The following MTUS2 variants were observed in gnomAD, a reference collection of about 807,000 sequenced individuals.
The protein encoded by MTUS2 is microtubule associated scaffold protein 2, also known as microtubule-associated tumor suppressor candidate 2.
In MTUS2, 40 loss-of-function variants were observed where a neutral mutation model predicts 114.1. The observed-to-expected ratio is 0.35, with a 90% CI of 0.27 to 0.46. The LOEUF is 0.46. Ranked by LOEUF, MTUS2 falls within the 20% of genes least tolerant of loss-of-function variation. The pLI is 1.00. For synonymous variants in MTUS2, 688 were observed against 672.0 expected (o/e 1.02, Z -0.37); for missense variants, 1,679 against 1,705.4 (o/e 0.98, Z 0.27).
intron 5 of MTUS2, among the ~76,000 whole-genome samples, chr13:29,175,677 G>T (rs1893742901): frequency 6.6e-6 from 1 of 152,104 alleles, no homozygotes. Context: ...ATAGGGTGTT[G>T]CTAACAGAAA....
intron 2 of MTUS2, among the ~76,000 whole-genome samples, chr13:28,919,867 T>G (rs1880949024): frequency 6.6e-6 from 1 of 152,260 alleles, no homozygotes. Flanking sequence ...TGATGTACTC[T>G]TCAATATGTC....
At chr13:29,028,858 T>C (rs1053011762) in intron 3 of MTUS2, among the ~76,000 whole-genome samples, 1 of 152,204 alleles carries the variant, frequency 6.6e-6, no homozygotes, top group Non-Finnish European at 1.5e-5. Flanking sequence ...AACTGAATCA[T>C]GAACTCCATA....
chr13:29,055,606 G>C (rs2138622423), intron 4 of MTUS2, among the ~76,000 whole-genome samples: 1 of 152,156 alleles, frequency 6.6e-6, no homozygotes, highest in South Asian at 2.1e-4. Context: ...TTATAGATGA[G>C]AACATGCCAT....
At chr13:29,381,369 T>C (rs1872191179) in intron 8 of MTUS2, among the ~76,000 whole-genome samples, 1 of 152,212 alleles carries the variant, frequency 6.6e-6, no homozygotes. Context: ...GCTTATAGCA[T>C]ATAGCGTAGT....
At chr13:29,011,766 C>A (rs1187121314) in intron 2 of MTUS2, among the ~76,000 whole-genome samples, 2 of 152,206 alleles carry the variant, frequency 1.3e-5, no homozygotes, top group African/African-American at 4.8e-5. Context: ...GGCCCTGGAA[C>A]ATGAAAGTGT....
At chr13:29,221,384 T>C (rs2139323079) in intron 5 of MTUS2, among the ~76,000 whole-genome samples, 1 of 152,396 alleles carries the variant, frequency 6.6e-6, no homozygotes, top group East Asian at 1.9e-4. Flanking sequence ...TTTTTGGTGA[T>C]AGTTGTTATT....
At chr13:29,388,094 A>C (rs1872752165) in intron 8 of MTUS2, among the ~76,000 whole-genome samples, 1 of 152,050 alleles carries the variant, frequency 6.6e-6, no homozygotes, top group Non-Finnish European at 1.5e-5. Flanking sequence ...CCCAAGAAGG[A>C]CTGTCCCCCA....
intron 5 of MTUS2, among the ~76,000 whole-genome samples, chr13:29,138,894 T>C (rs1892098408): frequency 6.6e-6 from 1 of 152,166 alleles, no homozygotes; most frequent in Non-Finnish European, 1.5e-5. Flanking sequence ...TAAGGTATTA[T>C]TATAGTAAAT....
chr13:29,008,094 G>T (rs527383213), intron 2 of MTUS2, among the ~76,000 whole-genome samples: 1 of 152,254 alleles, frequency 6.6e-6, no homozygotes, highest in East Asian at 1.9e-4. Flanking sequence ...CTGCCCAATA[G>T]CCATTTCCTC....
intron 5 of MTUS2, among the ~76,000 whole-genome samples, chr13:29,197,610 G>C (rs35852257): frequency 0.15 from 23,015 of 151,980 alleles, 1,903 homozygotes; most frequent in East Asian, 0.31. Flanking sequence ...TGGTATTTCT[G>C]GTTCTGAATC....
chr13:29,308,580 C>T (rs1338910752), intron 6 of MTUS2, among the ~76,000 whole-genome samples: 1 of 152,172 alleles, frequency 6.6e-6, no homozygotes, highest in African/African-American at 2.4e-5. Context: ...AGAGCTTCTG[C>T]ACGGCAAAAG....
chr13:29,203,560 G>GAAAAA (rs57964712), intron 5 of MTUS2, among the ~76,000 whole-genome samples: 2 of 116,146 alleles, frequency 1.7e-5, no homozygotes. Context: ...ACTGGGGTAT[G>GAAAAA]AAAAAAAAAA....
At chr13:28,879,102 T>C (rs1053374800) in intron 2 of MTUS2, among the ~76,000 whole-genome samples, 4 of 152,228 alleles carry the variant, frequency 2.6e-5, no homozygotes, top group Non-Finnish European at 5.9e-5. Context: ...TTTTTTCATG[T>C]TTGTTGGCTG....
At chr13:29,031,417 T>TAG (rs1886822625) in intron 3 of MTUS2, among the ~76,000 whole-genome samples, 1 of 151,436 alleles carries the variant, frequency 6.6e-6, no homozygotes, top group Non-Finnish European at 1.5e-5. Context: ...TATATATATA[T>TAG]ATAGAGAGAG....
intron 6 of MTUS2, among the ~76,000 whole-genome samples, chr13:29,282,227 C>T (rs542405430): frequency 9.2e-5 from 14 of 152,316 alleles, no homozygotes; most frequent in African/African-American, 3.4e-4. Context: ...GGAATGAGCC[C>T]CAGAACCCCA....
At chr13:29,142,173 G>A (rs1328583978) in intron 5 of MTUS2, among the ~76,000 whole-genome samples, 2 of 151,980 alleles carry the variant, frequency 1.3e-5, no homozygotes, top group African/African-American at 2.4e-5. Flanking sequence ...GTAATTATAT[G>A]TGTATATATA....
intron 8 of MTUS2, among the ~76,000 whole-genome samples, chr13:29,389,733 GTATA>G (rs1178303439): frequency 1.1e-5 from 1 of 88,648 alleles, no homozygotes; most frequent in African/African-American, 5.0e-5. Context: ...ACATATGTGT[GTATA>G]TGTATATACA....
intron 2 of MTUS2, among the ~76,000 whole-genome samples, chr13:28,920,351 C>T (rs1369658803): frequency 6.6e-6 from 1 of 152,186 alleles, no homozygotes; most frequent in African/African-American, 2.4e-5. Context: ...TTGATAAAAT[C>T]GGAAGAATTC....
chr13:29,195,786 C>T (rs1157596750), intron 5 of MTUS2, among the ~76,000 whole-genome samples: 1 of 152,016 alleles, frequency 6.6e-6, no homozygotes, highest in East Asian at 1.9e-4. Flanking sequence ...AACACAGAAG[C>T]AAAAACCAGT....
Sources: allele counts gnomAD v4.1 joint callset (sites outside exome capture counted in the v4.1 genomes callset), GRCh38; gene constraint gnomAD v4.1.1; transcripts MANE v1.5; gene names NCBI Gene and HGNC (gene_info 2026-07-23, HGNC 2026-07-21).